SPSB4: variants seen among roughly 807,000 people sequenced by gnomAD.
SPSB4 encodes splA/ryanodine receptor domain and SOCS box containing 4.
A neutral mutation model predicts 20.9 loss-of-function variants in SPSB4; 21 were observed. The ratio of observed to expected loss-of-function variants is 1.01; its 90% CI spans 0.71 to 1.45. SPSB4 has a LOEUF of 1.45. Ranked by LOEUF, SPSB4 falls within the 40% of genes most tolerant of loss-of-function variation. The pLI is 0.00. For missense variants in SPSB4, 399 were observed against 399.2 expected (o/e 1.00, Z 0.00); for synonymous variants, 207 against 183.8 (o/e 1.13, Z -1.02).
At chr3:141,059,217 G>A (rs947766356) in intron 1 of SPSB4, among the ~76,000 whole-genome samples, 14 of 152,294 alleles carry the variant, frequency 9.2e-5, no homozygotes, top group African/African-American at 3.4e-4. Flanking sequence ...AGGAGGTGGA[G>A]CTCACCCTCA....
intron 2 of SPSB4, among the ~76,000 whole-genome samples, chr3:141,106,482 C>T (rs1938691716): frequency 6.6e-6 from 1 of 152,166 alleles, no homozygotes; most frequent in African/African-American, 2.4e-5. Flanking sequence ...TCTACCACAC[C>T]CTAGGGTATC....
chr3:141,129,063 G>T (rs1051111653), intron 2 of SPSB4, among the ~76,000 whole-genome samples: 5 of 152,186 alleles, frequency 3.3e-5, no homozygotes, highest in Non-Finnish European at 7.4e-5. Context: ...CCTTTAGCCT[G>T]GGAGGGTGAG....
chr3:141,054,914 G>A (rs147717450), intron 1 of SPSB4, among the ~76,000 whole-genome samples: 49 of 151,648 alleles, frequency 3.2e-4, no homozygotes, highest in Middle Eastern at 3.4e-3. Context: ...GCAGTGAGCC[G>A]AGATGGCACC....
intron 1 of SPSB4, among the ~76,000 whole-genome samples, chr3:141,054,284 G>C (rs1031520386): frequency 6.6e-6 from 1 of 152,106 alleles, no homozygotes; most frequent in Non-Finnish European, 1.5e-5. Flanking sequence ...AAAATCAGGG[G>C]AGTGGCAGGC....
intron 2 of SPSB4, among the ~76,000 whole-genome samples, chr3:141,086,805 C>T (rs965851945): frequency 3.3e-5 from 5 of 152,172 alleles, no homozygotes; most frequent in African/African-American, 7.2e-5. Context: ...ATATGTGTCA[C>T]CTCTTTTATC....
intron 1 of SPSB4, among the ~76,000 whole-genome samples, chr3:141,055,209 G>A (rs533784365): frequency 3.9e-5 from 6 of 152,148 alleles, no homozygotes; most frequent in African/African-American, 9.6e-5. Flanking sequence ...GCAGTGGGAC[G>A]TAGGCAAGAG....
Position 141,147,207 on chromosome 3 carries a change from C to T in SPSB4, c.760C>T (p.Leu254=), listed in dbSNP as rs1939427817. 1.9e-6 allele frequency: 3 copies of T among 1,614,138 alleles called. No homozygotes were observed. Among genetic ancestry groups the T allele is most frequent in the Admixed American group, 1.7e-5 (1 of 60,016 alleles). The change falls in exon 3 of 3, where the codon CTG becomes TTG. Residue 254 remains leucine, a synonymous_variant. Transcript: ENST00000310546. Reference sequence around the variant, plus strand: ...CCGCTCGGCCCTGGGCCGCCAGCGCCTGCAGGACATCAGCTCCCTGCCCCT... The same window carrying T: ...CCGCTCGGCCCTGGGCCGCCAGCGCTTGCAGGACATCAGCTCCCTGCCCCT... ...SIRSALGRQR[L]QDISSLPLPQ...
chr3:141,114,996 A>C (rs1355164638), intron 2 of SPSB4: 21 of 152,216 alleles, frequency 1.4e-4, no homozygotes, highest in Admixed American at 1.4e-3. Flanking sequence ...CTTGGAAATC[A>C]CGTGACCTCT....
chr3:141,066,858 G>A, intron 2 of SPSB4, 60 bp downstream of exon 2: 1 of 1,462,738 alleles, frequency 6.8e-7, no homozygotes. Flanking sequence ...TAGGGAAGCT[G>A]GGCAGGCCAC....
At chr3:141,129,106 A>T (rs1291926008) in intron 2 of SPSB4, among the ~76,000 whole-genome samples, 1 of 151,896 alleles carries the variant, frequency 6.6e-6, no homozygotes, top group African/African-American at 2.4e-5. Context: ...TGCCAGACAC[A>T]CTCTCCTGTC....
At chr3:141,146,233 A>G (rs947996502) in intron 2 of SPSB4, among the ~76,000 whole-genome samples, 1 of 152,126 alleles carries the variant, frequency 6.6e-6, no homozygotes, top group East Asian at 1.9e-4. Context: ...AACTGGTCCT[A>G]TGTCCAGTGG....
intron 2 of SPSB4, among the ~76,000 whole-genome samples, chr3:141,104,523 G>C (rs1448784594): frequency 1.3e-5 from 2 of 152,208 alleles, no homozygotes; most frequent in East Asian, 3.9e-4. Flanking sequence ...CAGATGGCTG[G>C]GGTTGTTTTT....
chr3:141,108,534 G>A (rs1409898772), intron 2 of SPSB4, among the ~76,000 whole-genome samples: 1 of 152,258 alleles, frequency 6.6e-6, no homozygotes, highest in Non-Finnish European at 1.5e-5. Context: ...TTCTGTGTGT[G>A]TTTGATCTCT....
intron 2 of SPSB4, among the ~76,000 whole-genome samples, chr3:141,117,535 C>T (rs1279302466): frequency 6.6e-6 from 1 of 152,108 alleles, no homozygotes; most frequent in African/African-American, 2.4e-5. Flanking sequence ...AGTTCTAGGG[C>T]ACATGTGTAC....
chr3:141,085,828 GTT>G (rs1412285020), intron 2 of SPSB4, among the ~76,000 whole-genome samples: 1 of 152,218 alleles, frequency 6.6e-6, no homozygotes. Flanking sequence ...GATTCCCAAG[GTT>G]TGGTGCAGCT....
At chr3:141,139,559 T>C (rs1404876096) in intron 2 of SPSB4, among the ~76,000 whole-genome samples, 1 of 152,208 alleles carries the variant, frequency 6.6e-6, no homozygotes, top group Admixed American at 6.5e-5. Flanking sequence ...AGCATTTGCT[T>C]GTCTGTGAAG....
At chr3:141,116,076 G>A (rs1003812339) in intron 2 of SPSB4, among the ~76,000 whole-genome samples, 15 of 152,346 alleles carry the variant, frequency 9.8e-5, no homozygotes, top group Admixed American at 3.9e-4. Flanking sequence ...GAGGCTAAGA[G>A]ATGACGTTTC....
intron 2 of SPSB4, among the ~76,000 whole-genome samples, chr3:141,073,328 C>T (rs1445168746): frequency 6.6e-6 from 1 of 152,166 alleles, no homozygotes; most frequent in East Asian, 1.9e-4. Flanking sequence ...GATGAAGGCT[C>T]GTGAATGACT....
At chr3:141,125,122 A>G (rs995715295) in intron 2 of SPSB4, among the ~76,000 whole-genome samples, 1 of 152,212 alleles carries the variant, frequency 6.6e-6, no homozygotes, top group Admixed American at 6.5e-5. Context: ...CAGGAAAACC[A>G]TTATCGATCA....
Sources: gnomAD v4.1 joint callset for allele counts (sites outside exome capture counted in the v4.1 genomes callset) on GRCh38, gnomAD v4.1.1 for gene constraint, MANE v1.5 for transcripts, NCBI Gene and HGNC (gene_info 2026-07-23, HGNC 2026-07-21) for gene names.